The following GRAMD1B variants were observed in gnomAD, a reference collection of about 807,000 sequenced individuals.
GRAMD1B encodes the protein protein Aster-B.
In GRAMD1B, 37 loss-of-function variants were observed where a neutral mutation model predicts 99.7. The observed-to-expected ratio is 0.37, with a 90% CI of 0.29 to 0.49. The LOEUF is 0.49. Among genes scored for constraint, GRAMD1B ranks in the 20% least tolerant of loss-of-function variants. GRAMD1B has a pLI of 0.98. For missense variants in GRAMD1B, 888 were observed against 1,009.2 expected, an observed-to-expected ratio of 0.88 and a Z score of 1.63; for synonymous variants, 427 against 387.6, an observed-to-expected ratio of 1.10 and a Z score of -1.19.
At chr11:123,372,836 T>C (rs551838099) in intron 1 of GRAMD1B, among the ~76,000 whole-genome samples, 183 of 152,318 alleles carry the variant, frequency 1.2e-3, no homozygotes, top group African/African-American at 4.3e-3. Flanking sequence ...CAGAGATTTG[T>C]GTTAATAATT....
intron 1 of GRAMD1B, among the ~76,000 whole-genome samples, chr11:123,447,247 C>T (rs548812466): frequency 1.6e-4 from 24 of 152,280 alleles, no homozygotes; most frequent in Non-Finnish European, 2.8e-4. Context: ...GTCAGACAGA[C>T]GGGTCTCTCA....
chr11:123,524,139 C>T (rs190247457), intron 2 of GRAMD1B, among the ~76,000 whole-genome samples: 3 of 152,170 alleles, frequency 2.0e-5, no homozygotes, highest in African/African-American at 2.4e-5. Context: ...GTCACTTAAA[C>T]GCTTGCTTAT....
intron 2 of GRAMD1B, among the ~76,000 whole-genome samples, chr11:123,507,389 G>A (rs758080105): frequency 5.9e-5 from 9 of 152,158 alleles, no homozygotes; most frequent in Non-Finnish European, 1.3e-4. Flanking sequence ...TAGAAACCAG[G>A]CAATAGGCTA....
At chr11:123,569,732 AAT>A (rs1189475369) in intron 2 of GRAMD1B, among the ~76,000 whole-genome samples, 1 of 152,214 alleles carries the variant, frequency 6.6e-6, no homozygotes, top group Non-Finnish European at 1.5e-5. Flanking sequence ...AAAGATTATT[AAT>A]GAAACTTTGG....
intron 1 of GRAMD1B, among the ~76,000 whole-genome samples, chr11:123,397,055 C>T (rs538451878): frequency 6.6e-6 from 1 of 152,098 alleles, no homozygotes; most frequent in South Asian, 2.1e-4. Context: ...AATCAAAATA[C>T]AGAATGTTTC....
intron 2 of GRAMD1B, among the ~76,000 whole-genome samples, chr11:123,541,140 G>A (rs1015621841): frequency 3.3e-5 from 5 of 151,872 alleles, no homozygotes; most frequent in East Asian, 3.9e-4. Flanking sequence ...CGCCCTGCTA[G>A]TTTTTTGTAT....
intron 2 of GRAMD1B, among the ~76,000 whole-genome samples, chr11:123,522,238 G>A (rs576137238): frequency 1.1e-4 from 16 of 152,294 alleles, no homozygotes; most frequent in Admixed American, 4.6e-4. Flanking sequence ...ACATTTTTCC[G>A]TCTCACTTGG....
chr11:123,562,165 A>C (rs1431046442), intron 2 of GRAMD1B, among the ~76,000 whole-genome samples: 1 of 151,634 alleles, frequency 6.6e-6, no homozygotes, highest in Admixed American at 6.6e-5. Flanking sequence ...CCTGGGCAAC[A>C]TCGCGAGACC....
Position 123,622,979 on chromosome 11 carries a change from G to A in GRAMD1B, c.*384G>A, listed in dbSNP as rs906844437. 5.9e-5 allele frequency: 9 copies of A among 152,168 alleles called. No individual in the cohort carries two copies. The highest frequency in any genetic ancestry group is 1.7e-4 in the African/African-American group (7 of 41,380). The allele number at this position is 152,168 out of a possible 1,614,324, so 9.4% of individuals were successfully genotyped here. A position where few individuals can be genotyped will look rare whatever the true frequency, so the allele number is the denominator to read the frequency against. On this transcript the variant is annotated 3_prime_UTR_variant, in exon 20 of 20. Transcript: ENST00000635736. ...AGGTCTCAAAAAGAAGTCTTAAGAC[G>A]GCATTGCTTAAGGTGCTTCATTCCC...
intron 16 of GRAMD1B, among the ~76,000 whole-genome samples, chr11:123,614,047 G>A (rs987586610): frequency 6.6e-6 from 1 of 152,030 alleles, no homozygotes; most frequent in Non-Finnish European, 1.5e-5. Context: ...GACAGTCCCC[G>A]TTCACTTCAA....
At chr11:123,421,891 C>T (rs995897562) in intron 1 of GRAMD1B, among the ~76,000 whole-genome samples, 2 of 152,118 alleles carry the variant, frequency 1.3e-5, no homozygotes, top group Admixed American at 1.3e-4. Flanking sequence ...TCTAATAAAT[C>T]TTTTCTGTAA....
At chr11:123,379,893 G>A (rs1428618586) in intron 1 of GRAMD1B, among the ~76,000 whole-genome samples, 1 of 152,200 alleles carries the variant, frequency 6.6e-6, no homozygotes, top group African/African-American at 2.4e-5. Context: ...TAGTGGCCAT[G>A]AAGTGCTATC....
intron 5 of GRAMD1B, 35 bp downstream of exon 5, chr11:123,594,201 A>C (rs756630720): frequency 7.0e-7 from 1 of 1,424,434 alleles, no homozygotes; most frequent in East Asian, 2.3e-5. Context: ...ATGGGAAGGA[A>C]GTCTGGGGAG....
At chr11:123,411,243 A>G (rs1173287247) in intron 1 of GRAMD1B, among the ~76,000 whole-genome samples, 4 of 151,922 alleles carry the variant, frequency 2.6e-5, no homozygotes, top group African/African-American at 9.7e-5. Context: ...TGATCTCGTG[A>G]TCCGCCCCCC....
At chr11:123,532,058 A>G (rs61228309) in intron 2 of GRAMD1B, among the ~76,000 whole-genome samples, 4,717 of 152,166 alleles carry the variant, frequency 0.031, 251 homozygotes, top group African/African-American at 0.11. Flanking sequence ...TCTTAATGCT[A>G]TTCTTTGGTT....
Position 123,370,877 on chromosome 11 carries a change from G to A in GRAMD1B, c.-176+12078G>A, listed in dbSNP as rs1429158477. Among the ~76,000 whole-genome samples, 6 of 152,292 alleles carry A rather than the reference G, an allele frequency of 3.9e-5. No homozygotes were observed. The East Asian group carries it at 1.2e-3, about 29-fold the overall frequency. On this transcript the variant is annotated intron_variant, in intron 1 of 20. Transcript: ENST00000638157. ...CTGCACCATACCCCATGAGCAGCGA[G>A]TTGGGGTCCTCTTTGGGTAGATGTT...
intron 2 of GRAMD1B, among the ~76,000 whole-genome samples, chr11:123,484,944 G>A (rs1951806059): frequency 6.6e-6 from 1 of 152,156 alleles, no homozygotes; most frequent in South Asian, 2.1e-4. Flanking sequence ...GGAGATGTGG[G>A]CAGTGGCGGG....
rs36123733 is a variant in GRAMD1B, at chr11:123,445,818, C to CAAA, written c.374+14670_374+14672dup. ...TGGGGAACAGAGTGACACTTGTCTCCAAAAAAAAAAAAAAAAAAAACAAGA... is the reference window on the plus strand; with the variant it reads ...TGGGGAACAGAGTGACACTTGTCTCCAAAAAAAAAAAAAAAAAAAAAAACAAGA... On this transcript the variant is annotated intron_variant, in intron 1 of 19. Transcript: ENST00000635736. 1.5e-3 allele frequency among the ~76,000 whole-genome samples: 145 copies of CAAA among 94,012 alleles called. 1 individual carries two copies. Among genetic ancestry groups the CAAA allele is most frequent in the East Asian group, 3.3e-3 (9 of 2,716 alleles). The allele number at this position is 94,012 out of a possible 152,430, so 61.7% of individuals were successfully genotyped here. A position where few individuals can be genotyped will look rare whatever the true frequency, so the allele number is the denominator to read the frequency against.
Position 123,480,858 on chromosome 11 carries a change from T to A in GRAMD1B, c.417T>A (p.Ser139=). The change falls in exon 2 of 20, where the codon TCT becomes TCA. Residue 139 remains serine, a synonymous_variant. Transcript: ENST00000635736. ...SSQQSSHDDD[S]SRFLSPRARE... is the part of the protein sequence containing the mutation. ...AGCAGAGCAGCCACGATGATGATTCTAGCAGGTTCCTGAGTCCTCGAGCGC... is the reference window on the plus strand; with the variant it reads ...AGCAGAGCAGCCACGATGATGATTCAAGCAGGTTCCTGAGTCCTCGAGCGC... 1 of 398,306 alleles carries A rather than the reference T, an allele frequency of 2.5e-6. No individual in the cohort carries two copies. Among genetic ancestry groups the A allele is most frequent in the East Asian group, 3.6e-5 (1 of 27,982 alleles). The allele number at this position is 398,306 out of a possible 1,614,324, so 24.7% of individuals were successfully genotyped here.
Sources: gnomAD v4.1 joint callset for allele counts (sites outside exome capture counted in the v4.1 genomes callset) on GRCh38, gnomAD v4.1.1 for gene constraint, MANE v1.5 for transcripts, NCBI Gene and HGNC (gene_info 2026-07-23, HGNC 2026-07-21) for gene names.